MCTP1: variants seen among roughly 807,000 people sequenced by gnomAD.
MCTP1 encodes multiple C2 and transmembrane domain-containing protein 1.
MCTP1 carries 69 observed loss-of-function variants against 120.6 expected under a neutral mutation model. That is an observed-to-expected ratio of 0.57 (90% CI 0.47 to 0.70). MCTP1 has a LOEUF of 0.70. MCTP1 is among the 30% of genes least tolerant of loss of function. The pLI is 0.00. For missense variants in MCTP1, 1,203 were observed against 1,248.8 expected (o/e 0.96, Z 0.55); for synonymous variants, 529 against 493.1 (o/e 1.07, Z -0.96).
chr5:94,850,201 G>T (rs1793373483), intron 17 of MCTP1, among the ~76,000 whole-genome samples: 1 of 152,092 alleles, frequency 6.6e-6, no homozygotes, highest in Admixed American at 6.6e-5. Flanking sequence ...AAGATTCCAG[G>T]GTATGCACCC....
intron 1 of MCTP1, among the ~76,000 whole-genome samples, chr5:95,100,319 T>C (rs1385742744): frequency 6.6e-6 from 1 of 152,206 alleles, no homozygotes; most frequent in Non-Finnish European, 1.5e-5. Flanking sequence ...GATATTTTGT[T>C]GTGCTTTTAG....
At position 94,780,388 on chromosome 5, in the gene MCTP1, AT is replaced by A. The variant is rs577608461; in HGVS notation, c.2557-1226del. On this transcript the variant is annotated intron_variant, in intron 18 of 22. Transcript: ENST00000515393. ...TATCAGAACTCCGTTATTCCTAATA[AT>A]TTTTCTCAAATATTCTAAAAGCATT... is the stretch of plus-strand genomic sequence containing the variant. Among the ~76,000 whole-genome samples the A allele has an allele frequency of 7.9e-3, 1,205 of 152,176 alleles. 15 individuals carry two copies. The highest frequency in any genetic ancestry group is 0.011 in the Non-Finnish European group (752 of 67,966).
At chr5:95,141,111 G>T (rs528050496) in intron 1 of MCTP1, among the ~76,000 whole-genome samples, 1 of 151,880 alleles carries the variant, frequency 6.6e-6, no homozygotes, top group Non-Finnish European at 1.5e-5. Context: ...TTAAAGACGG[G>T]GTTATACTGA....
At chr5:95,099,687 A>G (rs1756565846) in intron 1 of MCTP1, among the ~76,000 whole-genome samples, 1 of 151,520 alleles carries the variant, frequency 6.6e-6, no homozygotes, top group Non-Finnish European at 1.5e-5. Context: ...ACTGTAAACT[A>G]GTTCGACCAT....
At chr5:95,172,274 T>G (rs1379895598) in intron 1 of MCTP1, among the ~76,000 whole-genome samples, 1 of 152,310 alleles carries the variant, frequency 6.6e-6, no homozygotes, top group Middle Eastern at 3.4e-3. Context: ...GCAAGCTTTG[T>G]CTCAGAGGGG....
At chr5:95,227,417 A>G (rs899727265) in intron 1 of MCTP1, among the ~76,000 whole-genome samples, 2 of 152,220 alleles carry the variant, frequency 1.3e-5, no homozygotes, top group Non-Finnish European at 2.9e-5. Flanking sequence ...AGAATCAATC[A>G]TCACCCATTT....
At chr5:95,101,559 A>C (rs939250637) in intron 1 of MCTP1, among the ~76,000 whole-genome samples, 1 of 152,050 alleles carries the variant, frequency 6.6e-6, no homozygotes, top group African/African-American at 2.4e-5. Context: ...CCCCACCAAT[A>C]CTCCAGTCAA....
chr5:94,829,420 T>C (rs1056623228), intron 17 of MCTP1, among the ~76,000 whole-genome samples: 3 of 152,240 alleles, frequency 2.0e-5, no homozygotes, highest in African/African-American at 7.2e-5. Flanking sequence ...TTCGGCCATC[T>C]TGCCCAGATA....
At chr5:95,182,096 T>C (rs1344870005) in intron 1 of MCTP1, among the ~76,000 whole-genome samples, 3 of 152,220 alleles carry the variant, frequency 2.0e-5, no homozygotes, top group East Asian at 3.8e-4. Context: ...CATGGGAATA[T>C]TGATACTGGC....
At chr5:95,079,653 C>T (rs545875153) in intron 1 of MCTP1, among the ~76,000 whole-genome samples, 2 of 152,036 alleles carry the variant, frequency 1.3e-5, no homozygotes, top group South Asian at 4.2e-4. Flanking sequence ...TGATAAATTC[C>T]ACTTATCTCT....
intron 17 of MCTP1, among the ~76,000 whole-genome samples, chr5:94,842,480 T>C (rs2153203971): frequency 6.6e-6 from 1 of 152,308 alleles, no homozygotes; most frequent in South Asian, 2.1e-4. Flanking sequence ...TCTTTTCTTG[T>C]CTATGTCTCA....
chr5:94,716,083 G>T (rs1759154823), intron 19 of MCTP1, among the ~76,000 whole-genome samples: 1 of 152,246 alleles, frequency 6.6e-6, no homozygotes, highest in African/African-American at 2.4e-5. Flanking sequence ...TGACAGATGT[G>T]TGTGCCTCCT....
intron 1 of MCTP1, among the ~76,000 whole-genome samples, chr5:95,282,442 ACT>A (rs1760400738): frequency 6.6e-6 from 1 of 152,176 alleles, no homozygotes; most frequent in Non-Finnish European, 1.5e-5. Flanking sequence ...AAGTTCCCCA[ACT>A]CTGAAATTCT....
At chr5:94,942,199 G>A (rs1416596964) in intron 4 of MCTP1, 149 bp downstream of exon 4, 2 of 568,830 alleles carry the variant, frequency 3.5e-6, no homozygotes, top group Non-Finnish European at 6.2e-6. Context: ...CACTGGGTAA[G>A]TGAGGAAGAT....
intron 2 of MCTP1, among the ~76,000 whole-genome samples, chr5:94,992,122 A>T (rs911823270): frequency 1.3e-5 from 2 of 152,188 alleles, no homozygotes; most frequent in African/African-American, 4.8e-5. Context: ...AGCCAGAGGA[A>T]TTCTTAAAAG....
intron 19 of MCTP1, chr5:94,739,301 C>T (rs185783989): frequency 1.2e-3 from 190 of 152,272 alleles, no homozygotes; most frequent in African/African-American, 3.9e-3. Flanking sequence ...GAATGTGGTT[C>T]GATCAACAGG....
chr5:94,849,727 T>C (rs1477082352), intron 17 of MCTP1, among the ~76,000 whole-genome samples: 1 of 152,108 alleles, frequency 6.6e-6, no homozygotes. Context: ...CCTAAAAACA[T>C]GTACTATTTT....
intron 17 of MCTP1, among the ~76,000 whole-genome samples, chr5:94,830,530 C>A (rs561744252): frequency 1.3e-5 from 2 of 152,160 alleles, no homozygotes; most frequent in Non-Finnish European, 1.5e-5. Context: ...TATCAATTTA[C>A]CAGCTGGAAA....
chr5:95,155,912 C>T (rs1247956820), intron 1 of MCTP1, among the ~76,000 whole-genome samples: 2 of 152,198 alleles, frequency 1.3e-5, no homozygotes, highest in Admixed American at 6.5e-5. Context: ...ACATGATCTG[C>T]ACCCTGGAGA....
Sources: gnomAD v4.1 joint callset for allele counts (sites outside exome capture counted in the v4.1 genomes callset) on GRCh38, gnomAD v4.1.1 for gene constraint, MANE v1.5 for transcripts, NCBI Gene and HGNC (gene_info 2026-07-23, HGNC 2026-07-21) for gene names.